ZFR2: variants seen among roughly 807,000 people sequenced by gnomAD.
ZFR2 encodes zinc finger RNA binding protein 2.
A neutral mutation model predicts 105.7 loss-of-function variants in ZFR2; 104 were observed. The observed-to-expected ratio is 0.98, with a 90% confidence interval of 0.84 to 1.16. The LOEUF (loss-of-function observed/expected upper bound fraction) is 1.16. ZFR2 is among the 50% of genes most tolerant of loss of function. ZFR2 has a pLI of 0.00. For missense variants in ZFR2, 1,425 were observed against 1,355.5 expected, an observed-to-expected ratio of 1.05 and a Z score of -0.80; for synonymous variants, 634 against 597.7, an observed-to-expected ratio of 1.06 and a Z score of -0.89.
intron 1 of ZFR2, among the ~76,000 whole-genome samples, chr19:3,868,512 C>A (rs956437768): frequency 1.3e-5 from 2 of 152,044 alleles, no homozygotes; most frequent in Non-Finnish European, 1.5e-5. Flanking sequence ...CACTCCCCGG[C>A]CAGGCACCTC....
intron 1 of ZFR2, among the ~76,000 whole-genome samples, chr19:3,862,885 G>T (rs946076417): frequency 1.3e-5 from 2 of 152,288 alleles, no homozygotes; most frequent in Non-Finnish European, 2.9e-5. Context: ...CTCCAGGGTC[G>T]TGCTCCCTGG....
At chr19:3,846,563 T>C (rs2145176707) in intron 1 of ZFR2, among the ~76,000 whole-genome samples, 1 of 152,326 alleles carries the variant, frequency 6.6e-6, no homozygotes, top group East Asian at 1.9e-4. Context: ...GCCTCCCAAA[T>C]GTAAAGACTG....
At chr19:3,836,697 A>C (rs1242769237) in intron 1 of ZFR2, among the ~76,000 whole-genome samples, 1 of 152,196 alleles carries the variant, frequency 6.6e-6, no homozygotes, top group Non-Finnish European at 1.5e-5. Context: ...CACCCTTCAG[A>C]GGACATGCGG....
At chr19:3,868,751 G>A (rs2038464251) in intron 1 of ZFR2, among the ~76,000 whole-genome samples, 1 of 152,020 alleles carries the variant, frequency 6.6e-6, no homozygotes, top group African/African-American at 2.4e-5. Flanking sequence ...AGACGTCTCA[G>A]CCGGAGCCCC....
chr19:3,820,093 G>C (rs936130617), intron 11 of ZFR2, 89 bp downstream of exon 11: 20 of 1,296,358 alleles, frequency 1.5e-5, no homozygotes, highest in Admixed American at 6.0e-5. Flanking sequence ...GTGGGAGTTG[G>C]GGGGAGGCCG....
intron 6 of ZFR2, among the ~76,000 whole-genome samples, chr19:3,826,077 C>T (rs1424358669): frequency 6.6e-6 from 1 of 152,132 alleles, no homozygotes; most frequent in Non-Finnish European, 1.5e-5. Context: ...GACTGAGCCC[C>T]AGCCTGTGGG....
Position 3,820,432 on chromosome 19 carries a change from G to T in ZFR2, c.1632-142C>A. 5.1e-6 allele frequency: 4 copies of T among 784,054 alleles called. No individual in the cohort carries two copies. In the East Asian group the frequency reaches 8.5e-5, roughly 17 times the overall value. The allele number at this position is 784,054 out of a possible 1,614,324, so 48.6% of individuals were successfully genotyped here. A position where few individuals can be genotyped will look rare whatever the true frequency, so the allele number is the denominator to read the frequency against. ...GCTGGGGCTCCACTGCACTGCATGG[G>T]TGCCTGCTGTATGCACAGAAGACTG... On this transcript the variant is annotated intron_variant, in intron 10 of 18. Coordinates refer to ENST00000262961, the MANE Select transcript of ZFR2 (RefSeq NM_015174.2).
chr19:3,831,295 C>A lies in ZFR2; in HGVS notation c.852+8G>T. 1.3e-6 allele frequency: 2 copies of A among 1,512,864 alleles called. No individual in the cohort carries two copies. The highest frequency in any genetic ancestry group is 1.8e-6 in the Non-Finnish European group (2 of 1,129,530). 93.7% of individuals were successfully genotyped at this position (1,512,864 alleles called of 1,614,324 possible). On this transcript the variant is annotated splice_region_variant and intron_variant, in intron 5 of 18. Coordinates refer to ENST00000262961, the MANE Select transcript of ZFR2 (RefSeq NM_015174.2). Reference sequence around the variant, plus strand: ...CTGGGGCCTGCCCATGGCAGGAGGGCGACTGACCTGGGGGCCAGCGCAGCT... The same window carrying A: ...CTGGGGCCTGCCCATGGCAGGAGGGAGACTGACCTGGGGGCCAGCGCAGCT...
rs111947541 is a variant in ZFR2 at position 3,839,252 on chromosome 19, G to A, written c.54-4269C>T. The stretch of plus-strand genomic sequence containing the variant: ...AAAAGTCGATTAGGAAAGTGGTCCA[G>A]GCCGGGCACATGGCTCACACCTGTC... On this transcript the variant is annotated intron_variant, in intron 1 of 18. Coordinates refer to ENST00000262961, the MANE Select transcript of ZFR2 (RefSeq NM_015174.2). Among the ~76,000 whole-genome samples, 310 of 152,246 alleles carry A rather than the reference G, an allele frequency of 2.0e-3. 1 individual carries two copies. The highest frequency in any genetic ancestry group is 7.3e-3 in the African/African-American group (302 of 41,534).
chr19:3,815,796 G>C (rs2037818806), intron 13 of ZFR2, among the ~76,000 whole-genome samples: 1 of 150,308 alleles, frequency 6.7e-6, no homozygotes, highest in Non-Finnish European at 1.5e-5. Context: ...CTGTCGCCCA[G>C]GCTGGAGTGC....
rs2038331067 is a variant in ZFR2 at position 3,858,249 on chromosome 19, G to C, written c.53+10716C>G. ...GCCATGCTCTTGCTTGCTCCGAAGA[G>C]ACGGAGCAGGCTTAGGTGTGGTCCA... On this transcript the variant is annotated intron_variant, in intron 1 of 18. Transcript: ENST00000262961. The surrounding 1 kb of genome is among the most constrained non-coding windows in gnomAD (Gnocchi z 4.3). Among the ~76,000 whole-genome samples the C allele has an allele frequency of 6.6e-6, 1 of 152,178 alleles. No homozygotes were observed. The highest frequency in any genetic ancestry group is 2.4e-5 in the African/African-American group (1 of 41,450).
At chr19:3,842,890 GC>G (rs1317130581) in intron 1 of ZFR2, among the ~76,000 whole-genome samples, 1 of 152,078 alleles carries the variant, frequency 6.6e-6, no homozygotes, top group Non-Finnish European at 1.5e-5. Context: ...CTCCCAAAGT[GC>G]TGGGATTACA....
intron 5 of ZFR2, 142 bp from the exon 6 acceptor site, chr19:3,827,795 A>G (rs2037969156): frequency 3.4e-6 from 3 of 889,968 alleles, no homozygotes; most frequent in East Asian, 2.9e-5. Context: ...CCCTGGTGCC[A>G]TGGAGGTTCC....
chr19:3,864,451 C>T (rs144412392), intron 1 of ZFR2, among the ~76,000 whole-genome samples: 197 of 152,296 alleles, frequency 1.3e-3, no homozygotes, highest in African/African-American at 4.5e-3. Flanking sequence ...CACCAAAATC[C>T]AGTAGTCTTC....
In ZFR2 at chr19:3,813,934, C is replaced by A. The variant is rs750777284; in HGVS notation, c.2128G>T (p.Val710Phe). ...LQMVTEDEYE[V>F]SSDPEANIVI... Reference sequence around the variant, plus strand: ...ATGTTGGCTTCAGGGTCGGAGGAGACCTCATACTCATCCTCGGTCACCATC... The same window carrying A: ...ATGTTGGCTTCAGGGTCGGAGGAGAACTCATACTCATCCTCGGTCACCATC... The change falls in exon 14 of 19, where the codon GTC (valine) becomes TTC (phenylalanine). Residue 710 changes from valine (V) to phenylalanine (F), a missense_variant. Transcript: ENST00000262961. The surrounding 1 kb of genome is among the most constrained non-coding windows in gnomAD (Gnocchi z 4.4). 1 of 1,613,912 alleles carries A rather than the reference C, an allele frequency of 6.2e-7. No homozygotes were observed. The highest frequency in any genetic ancestry group is 2.2e-5 in the East Asian group (1 of 44,880).
intron 1 of ZFR2, chr19:3,852,183 CT>C: frequency 2.2e-6 from 1 of 460,674 alleles, no homozygotes; most frequent in Non-Finnish European, 3.9e-6. Flanking sequence ...GGTGGCTCTC[CT>C]GGCCAAGGCG....
At chr19:3,831,912 A>C (rs2038021654) in intron 3 of ZFR2, 34 bp from the exon 4 acceptor site, 2 of 1,474,916 alleles carry the variant, frequency 1.4e-6, no homozygotes, top group African/African-American at 1.4e-5. Context: ...TGCAGAGCCA[A>C]CCCCCACCCC....
Position 3,831,444 on chromosome 19 carries a change from G to A in ZFR2, c.711C>T (p.Pro237=), listed in dbSNP as rs748533761. 59 of 1,550,214 alleles carry A rather than the reference G, an allele frequency of 3.8e-5. No individual in the cohort carries two copies. The highest frequency in any genetic ancestry group is 2.0e-4 in the South Asian group (17 of 84,110). Residue 237 remains proline, a synonymous_variant, in exon 5 of 19, where the codon CCC becomes CCT. Transcript: ENST00000262961. ...PGPPQQLPPP[P]APAGSGSSPR... The stretch of plus-strand genomic sequence containing the variant: ...GGCTGCTTCCTGAGCCTGCAGGCGC[G>A]GGCGGCGGGGGCAGCTGCTGCGGGG...
At chr19:3,845,681 G>A (rs1229320193) in intron 1 of ZFR2, among the ~76,000 whole-genome samples, 1 of 151,432 alleles carries the variant, frequency 6.6e-6, no homozygotes, top group African/African-American at 2.4e-5. Context: ...TGTAGTTCCA[G>A]CTACTCAGGA....
Sources: gnomAD v4.1 joint callset for allele counts (sites outside exome capture counted in the v4.1 genomes callset) on GRCh38, gnomAD v4.1.1 for gene constraint, Gnocchi (gnomAD v3.1) non-coding constraint, MANE v1.5 for transcripts, NCBI Gene and HGNC (gene_info 2026-07-23, HGNC 2026-07-21) for gene names.